The following WWOX variants were observed in gnomAD, a reference collection of about 807,000 sequenced individuals.
WWOX encodes the protein WW domain-containing oxidoreductase.
WWOX carries 69 observed loss-of-function variants against 46.2 expected under a neutral mutation model. The observed-to-expected ratio is 1.49, with a 90% CI of 1.23 to 1.82. The LOEUF (loss-of-function observed/expected upper bound fraction) is 1.82, where lower values mean the gene tolerates loss of function less well. Ranked by LOEUF, WWOX falls within the 40% of genes most tolerant of loss-of-function variation. The pLI is 0.00. For synonymous variants in WWOX, 359 were observed against 202.6 expected, an observed-to-expected ratio of 1.77 and a Z score of -6.56; for missense variants, 919 against 542.6, an observed-to-expected ratio of 1.69 and a Z score of -6.89.
chr16:79,199,073 T>C (rs900543965), intron 8 of WWOX, among the ~76,000 whole-genome samples: 1 of 152,164 alleles, frequency 6.6e-6, no homozygotes, highest in Non-Finnish European at 1.5e-5. Flanking sequence ...TATTTTATTT[T>C]ATTTTTCAAG....
intron 8 of WWOX, among the ~76,000 whole-genome samples, chr16:78,533,110 C>G (rs1261900704): frequency 6.6e-6 from 1 of 152,116 alleles, no homozygotes; most frequent in Non-Finnish European, 1.5e-5. Flanking sequence ...CCTCAGAACT[C>G]CTCCCAGTGC....
rs139260599 is a variant in WWOX, at chr16:78,914,634, C to G, written c.1057-296974C>G. Among the ~76,000 whole-genome samples, 24 of 152,000 alleles carry G rather than the reference C, an allele frequency of 1.6e-4. 1 individual carries two copies. In the East Asian group the frequency reaches 4.6e-3, roughly 29 times the overall value. On this transcript the variant is annotated intron_variant, in intron 8 of 8. Coordinates refer to ENST00000566780, the MANE Select transcript of WWOX (RefSeq NM_016373.4). ...GCGGCTCACACCTGTAATCCCAGCA[C>G]TTTGGGAGGCGGAGGCGGGCAGATC...
chr16:78,812,011 A>G (rs1419112189), intron 8 of WWOX, among the ~76,000 whole-genome samples: 1 of 152,128 alleles, frequency 6.6e-6, no homozygotes, highest in African/African-American at 2.4e-5. Context: ...TAACACCATC[A>G]AAGCTGTGGT....
chr16:78,579,702 T>G (rs1020881598), intron 8 of WWOX, among the ~76,000 whole-genome samples: 2 of 152,232 alleles, frequency 1.3e-5, no homozygotes, highest in African/African-American at 2.4e-5. Context: ...GGATAAGAAC[T>G]ATGTGTGTTT....
In WWOX at chr16:78,745,773, C is replaced by A. The variant is rs189466742; in HGVS notation, c.1056+313021C>A. Reference sequence around the variant, plus strand: ...CCCTCTTCCTCCTCTTTTTCCCCCCCCTTCAAATAGTTCCAAGACCAGAGT... The same window carrying A: ...CCCTCTTCCTCCTCTTTTTCCCCCCACTTCAAATAGTTCCAAGACCAGAGT... On this transcript the variant is annotated intron_variant, in intron 8 of 8. Transcript: ENST00000566780. Among the ~76,000 whole-genome samples the A allele has an allele frequency of 3.8e-3, 570 of 151,622 alleles. 3 individuals carry two copies. Among genetic ancestry groups the A allele is most frequent in the Middle Eastern group, 0.017 (5 of 292 alleles).
chr16:78,539,808 T>A (rs1459359447), intron 8 of WWOX, among the ~76,000 whole-genome samples: 1 of 152,194 alleles, frequency 6.6e-6, no homozygotes, highest in Non-Finnish European at 1.5e-5. Flanking sequence ...AGCATTTATC[T>A]TTGATGCTGG....
At chr16:78,547,967 T>C (rs1448397107) in intron 8 of WWOX, among the ~76,000 whole-genome samples, 8 of 151,716 alleles carry the variant, frequency 5.3e-5, no homozygotes, top group Non-Finnish European at 1.2e-4. Context: ...GCCTGGCCAA[T>C]GTGGTGAAAC....
intron 8 of WWOX, among the ~76,000 whole-genome samples, chr16:78,481,603 C>T (rs1251522404): frequency 1.3e-5 from 2 of 150,240 alleles, no homozygotes; most frequent in Non-Finnish European, 2.9e-5. Context: ...GATATCAGCA[C>T]GTGGTACACT....
At chr16:78,420,220 A>G (rs2082890554) in intron 6 of WWOX, among the ~76,000 whole-genome samples, 1 of 152,160 alleles carries the variant, frequency 6.6e-6, no homozygotes, top group African/African-American at 2.4e-5. Flanking sequence ...TTATTCAAAA[A>G]GTTAAACATT....
chr16:78,582,506 G>T (rs1012434546), intron 8 of WWOX, among the ~76,000 whole-genome samples: 5 of 152,274 alleles, frequency 3.3e-5, no homozygotes, highest in African/African-American at 9.6e-5. Flanking sequence ...TATGATGACA[G>T]TTTAAAAATT....
At chr16:78,791,096 C>A (rs1028666208) in intron 8 of WWOX, among the ~76,000 whole-genome samples, 3 of 151,596 alleles carry the variant, frequency 2.0e-5, no homozygotes, top group African/African-American at 7.3e-5. Context: ...ACACAGGGCC[C>A]CTGAAGGAAG....
chr16:78,222,979 T>C (rs1458922947), intron 5 of WWOX, among the ~76,000 whole-genome samples: 1 of 152,140 alleles, frequency 6.6e-6, no homozygotes, highest in East Asian at 1.9e-4. Context: ...GCCAGAGGAA[T>C]GCAGGGAGGG....
chr16:78,645,080 T>C (rs2046808027), intron 8 of WWOX, among the ~76,000 whole-genome samples: 1 of 152,160 alleles, frequency 6.6e-6, no homozygotes, highest in South Asian at 2.1e-4. Flanking sequence ...TTTAAATTCT[T>C]CTCTAAACCC....
intron 8 of WWOX, among the ~76,000 whole-genome samples, chr16:78,851,578 G>T (rs186666423): frequency 6.6e-6 from 1 of 152,178 alleles, no homozygotes; most frequent in Non-Finnish European, 1.5e-5. Flanking sequence ...CCCACTAGAC[G>T]GTGAGGGACT....
At chr16:78,356,547 C>T (rs1202871651) in intron 5 of WWOX, among the ~76,000 whole-genome samples, 2 of 152,090 alleles carry the variant, frequency 1.3e-5, no homozygotes, top group Admixed American at 6.6e-5. Flanking sequence ...AGGTGCAGGG[C>T]AGTGGGACAG....
At chr16:78,731,942 G>C (rs2048980553) in intron 8 of WWOX, among the ~76,000 whole-genome samples, 1 of 150,470 alleles carries the variant, frequency 6.6e-6, no homozygotes, top group African/African-American at 2.5e-5. Flanking sequence ...TGAACTCTGG[G>C]CTCAATTGAT....
intron 8 of WWOX, among the ~76,000 whole-genome samples, chr16:78,835,611 A>G (rs1287761775): frequency 6.6e-6 from 1 of 152,216 alleles, no homozygotes; most frequent in African/African-American, 2.4e-5. Flanking sequence ...TAGATCAGTT[A>G]TTATGAATGT....
At chr16:78,501,504 G>A (rs2085067481) in intron 8 of WWOX, among the ~76,000 whole-genome samples, 1 of 151,294 alleles carries the variant, frequency 6.6e-6, no homozygotes, top group Admixed American at 6.6e-5. Flanking sequence ...CTCACTTTGG[G>A]CTGTACGTTA....
chr16:78,945,352 C>T (rs2045928862), intron 8 of WWOX, among the ~76,000 whole-genome samples: 1 of 152,124 alleles, frequency 6.6e-6, no homozygotes, highest in Non-Finnish European at 1.5e-5. Flanking sequence ...TCAAACTTTA[C>T]AATAAGAAGG....
Sources: gnomAD v4.1 joint callset for allele counts (sites outside exome capture counted in the v4.1 genomes callset) on GRCh38, gnomAD v4.1.1 for gene constraint, MANE v1.5 for transcripts, NCBI Gene and HGNC (gene_info 2026-07-23, HGNC 2026-07-21) for gene names.